SNTG1: variants seen among roughly 807,000 people sequenced by gnomAD.
SNTG1 encodes the protein gamma-1-syntrophin.
SNTG1 carries 39 observed loss-of-function variants against 74.7 expected under a neutral mutation model. The ratio of observed to expected loss-of-function variants is 0.52; its 90% CI spans 0.40 to 0.68. The LOEUF (loss-of-function observed/expected upper bound fraction) is 0.68. SNTG1 is among the 30% of genes least tolerant of loss of function. The pLI is 0.00. For synonymous variants in SNTG1, 254 were observed against 217.1 expected (o/e 1.17, Z -1.49); for missense variants, 685 against 609.5 (o/e 1.12, Z -1.30).
intron 13 of SNTG1, among the ~76,000 whole-genome samples, chr8:50,601,152 CAAAAAAAAAAA>C (rs71235311): frequency 9.5e-5 from 3 of 31,438 alleles, no homozygotes; most frequent in African/African-American, 3.9e-4. Flanking sequence ...GCCAGCGAGA[CAAAAAAAAAAA>C]AAAAAAAAAA....
intron 1 of SNTG1, among the ~76,000 whole-genome samples, chr8:50,046,735 T>G (rs1819120810): frequency 1.3e-5 from 2 of 152,208 alleles, no homozygotes; most frequent in African/African-American, 4.8e-5. Context: ...GAAGTGATTT[T>G]CCTCTGCCAC....
intron 15 of SNTG1, among the ~76,000 whole-genome samples, chr8:50,695,117 T>C (rs1221267468): frequency 2.0e-5 from 3 of 151,570 alleles, no homozygotes; most frequent in Non-Finnish European, 2.9e-5. Flanking sequence ...ATAAATGGCA[T>C]AAAGACTGAA....
chr8:50,004,627 C>G (rs866830648), intron 1 of SNTG1, among the ~76,000 whole-genome samples: 1 of 152,150 alleles, frequency 6.6e-6, no homozygotes, highest in Non-Finnish European at 1.5e-5. Flanking sequence ...CAGTAGCACT[C>G]CACCCACTGA....
chr8:50,027,676 C>T (rs552345860), intron 1 of SNTG1, among the ~76,000 whole-genome samples: 2 of 152,148 alleles, frequency 1.3e-5, no homozygotes, highest in Non-Finnish European at 2.9e-5. Context: ...AGACTTTTAG[C>T]CTTCCTTACT....
At chr8:50,374,736 G>A (rs1220150655) in intron 2 of SNTG1, among the ~76,000 whole-genome samples, 1 of 152,144 alleles carries the variant, frequency 6.6e-6, no homozygotes, top group Non-Finnish European at 1.5e-5. Context: ...CAGCATTTAT[G>A]TGTTTTTCAT....
At chr8:50,732,410 T>C (rs1277405037) in intron 17 of SNTG1, among the ~76,000 whole-genome samples, 1 of 151,976 alleles carries the variant, frequency 6.6e-6, no homozygotes. Context: ...TCTTTGTTTG[T>C]TTTAACATAA....
intron 15 of SNTG1, among the ~76,000 whole-genome samples, chr8:50,684,384 C>CTATT (rs1254644272): frequency 6.6e-6 from 1 of 152,068 alleles, no homozygotes; most frequent in Non-Finnish European, 1.5e-5. Flanking sequence ...TGAAAGTAAT[C>CTATT]TATTCAACAA....
intron 1 of SNTG1, among the ~76,000 whole-genome samples, chr8:49,971,003 T>G (rs897878568): frequency 1.3e-5 from 2 of 152,144 alleles, no homozygotes; most frequent in Non-Finnish European, 2.9e-5. Flanking sequence ...GAGGGAATCC[T>G]CCCTAACTCA....
intron 2 of SNTG1, among the ~76,000 whole-genome samples, chr8:50,323,646 C>T (rs2090617657): frequency 6.6e-6 from 1 of 152,156 alleles, no homozygotes; most frequent in African/African-American, 2.4e-5. Context: ...CAAGCAGAGT[C>T]TCTTTCTCCC....
intron 1 of SNTG1, among the ~76,000 whole-genome samples, chr8:50,086,956 A>G (rs185193616): frequency 3.9e-5 from 6 of 152,286 alleles, no homozygotes; most frequent in Admixed American, 3.3e-4. Context: ...ATTCTTTTTG[A>G]AGATCAGCAT....
chr8:50,492,978 T>C (rs1187076767), intron 8 of SNTG1, among the ~76,000 whole-genome samples: 1 of 152,120 alleles, frequency 6.6e-6, no homozygotes, highest in African/African-American at 2.4e-5. Context: ...TATAGACCAA[T>C]GGAACAGAAC....
At chr8:50,656,348 T>C (rs1033154294) in intron 13 of SNTG1, among the ~76,000 whole-genome samples, 2 of 152,178 alleles carry the variant, frequency 1.3e-5, no homozygotes, top group Non-Finnish European at 2.9e-5. Context: ...TTCAATGCCA[T>C]TTGATATATG....
intron 18 of SNTG1, among the ~76,000 whole-genome samples, chr8:50,760,620 C>T (rs2095595746): frequency 6.6e-6 from 1 of 151,632 alleles, no homozygotes; most frequent in Non-Finnish European, 1.5e-5. Context: ...AATGGATAGA[C>T]CTCTAGTCAG....
Position 50,562,424 on chromosome 8 carries a change from G to A in SNTG1, c.810+9245G>A, listed in dbSNP as rs545762746. On this transcript the variant is annotated intron_variant, in intron 12 of 18. Transcript: ENST00000642720. ...AAGAGGAACTGAACCCAGTATTTCT[G>A]GCTCTGAAGATGGAGAAGGGAATGC... Among the ~76,000 whole-genome samples the A allele has an allele frequency of 2.1e-3, 318 of 152,270 alleles. 1 individual carries two copies. The highest frequency in any genetic ancestry group is 3.3e-3 in the Non-Finnish European group (224 of 68,024).
chr8:50,349,012 G>A lies in SNTG1; in HGVS notation c.-27-45200G>A, dbSNP rs113697198. ...ATTGCTTAACTGTTATAAGTATGACGTGAAAGAAGACATTTTGTATCTTCA... is the reference window on the plus strand; with the variant it reads ...ATTGCTTAACTGTTATAAGTATGACATGAAAGAAGACATTTTGTATCTTCA... On this transcript the variant is annotated intron_variant, in intron 2 of 18. Coordinates refer to ENST00000642720, the MANE Select transcript of SNTG1 (RefSeq NM_018967.5). 2.2e-4 allele frequency among the ~76,000 whole-genome samples: 34 copies of A among 152,182 alleles called. 1 individual carries two copies. In the South Asian group the frequency reaches 5.0e-3, roughly 22 times the overall value.
intron 4 of SNTG1, among the ~76,000 whole-genome samples, chr8:50,413,129 A>T (rs1455601502): frequency 6.6e-6 from 1 of 152,230 alleles, no homozygotes; most frequent in Non-Finnish European, 1.5e-5. Flanking sequence ...CATACTTACA[A>T]AAAGATATGT....
chr8:50,404,553 A>G (rs1247230210), intron 4 of SNTG1, among the ~76,000 whole-genome samples: 2 of 152,104 alleles, frequency 1.3e-5, no homozygotes, highest in Non-Finnish European at 2.9e-5. Flanking sequence ...ATGCTGTAAT[A>G]AATTCAGGCA....
intron 4 of SNTG1, among the ~76,000 whole-genome samples, chr8:50,435,692 A>T (rs1408653680): frequency 6.6e-6 from 1 of 152,170 alleles, no homozygotes; most frequent in African/African-American, 2.4e-5. Context: ...AACTTTCTTA[A>T]AAGTAAGCTA....
chr8:50,264,000 A>T (rs1241992491), intron 2 of SNTG1, among the ~76,000 whole-genome samples: 2 of 152,238 alleles, frequency 1.3e-5, no homozygotes, highest in Non-Finnish European at 2.9e-5. Context: ...AATGCAATGG[A>T]TGAAAAGCAG....
Sources: gnomAD v4.1 joint callset for allele counts (sites outside exome capture counted in the v4.1 genomes callset) on GRCh38, gnomAD v4.1.1 for gene constraint, MANE v1.5 for transcripts, NCBI Gene and HGNC (gene_info 2026-07-23, HGNC 2026-07-21) for gene names.